The following KALRN variants were observed in gnomAD, a reference collection of about 807,000 sequenced individuals.
KALRN encodes kalirin RhoGEF kinase, also known as kalirin.
Under a neutral mutation model 353.7 loss-of-function variants are expected in KALRN, and 70 were observed. The ratio of observed to expected loss-of-function variants is 0.20; its 90% CI spans 0.16 to 0.24. The LOEUF (loss-of-function observed/expected upper bound fraction) is 0.24. KALRN is among the 10% of genes least tolerant of loss of function. KALRN has a pLI of 1.00. For missense variants in KALRN, 2,791 were observed against 3,756.7 expected, an observed-to-expected ratio of 0.74 and a Z score of 6.72; for synonymous variants, 1,391 against 1,434.8, an observed-to-expected ratio of 0.97 and a Z score of 0.69.
intron 34 of KALRN, among the ~76,000 whole-genome samples, chr3:124,600,398 G>C (rs2076681958): frequency 6.6e-6 from 1 of 152,224 alleles, no homozygotes; most frequent in Non-Finnish European, 1.5e-5. Context: ...TTCAACTCTT[G>C]TTTGGTTGCC....
chr3:124,517,717 G>A (rs2066776495), intron 33 of KALRN, among the ~76,000 whole-genome samples: 1 of 152,144 alleles, frequency 6.6e-6, no homozygotes, highest in South Asian at 2.1e-4. Context: ...AGCCAGCCTT[G>A]CAGTCTACCC....
chr3:124,154,341 T>C (rs1024261451), intron 1 of KALRN, among the ~76,000 whole-genome samples: 2 of 152,240 alleles, frequency 1.3e-5, no homozygotes, highest in Non-Finnish European at 2.9e-5. Flanking sequence ...GCAGATGACA[T>C]GATTGTATAT....
chr3:124,687,998 G>C (rs2061639280), intron 51 of KALRN, among the ~76,000 whole-genome samples: 1 of 152,090 alleles, frequency 6.6e-6, no homozygotes, highest in Non-Finnish European at 1.5e-5. Context: ...ATTACAGCTT[G>C]TCTTATGCTC....
In KALRN at chr3:124,628,163, T is replaced by TCCCTC. The variant is rs1561462695; in HGVS notation, c.5183-4255_5183-4254insCTCCC. 6.9e-4 allele frequency among the ~76,000 whole-genome samples: 30 copies of TCCCTC among 43,462 alleles called. 1 individual carries two copies. Among genetic ancestry groups the TCCCTC allele is most frequent in the African/African-American group, 3.9e-3 (25 of 6,440 alleles). The allele number at this position is 43,462 out of a possible 152,430, so 28.5% of individuals were successfully genotyped here. A position where few individuals can be genotyped will look rare whatever the true frequency, so the allele number is the denominator to read the frequency against. Reference sequence around the variant, plus strand: ...ATCCTCCCTCCCTCCCTCCCTCCCTTCCTTCCTTCCCTCCCTCCCTCCTTC... The same window carrying TCCCTC: ...ATCCTCCCTCCCTCCCTCCCTCCCTTCCCTCCCTTCCTTCCCTCCCTCCCTCCTTC... On this transcript the variant is annotated intron_variant, in intron 34 of 59. Transcript: ENST00000682506.
At chr3:124,547,253 G>C (rs916154031) in intron 33 of KALRN, among the ~76,000 whole-genome samples, 1 of 152,136 alleles carries the variant, frequency 6.6e-6, no homozygotes, top group Non-Finnish European at 1.5e-5. Context: ...TCCTGCCTGG[G>C]CTTCTCAAAG....
At chr3:124,329,507 G>A (rs57513297) in intron 7 of KALRN, among the ~76,000 whole-genome samples, 23,565 of 152,122 alleles carry the variant, frequency 0.15, 3,295 homozygotes, top group African/African-American at 0.37. Flanking sequence ...GTGAGTGTGC[G>A]TGGGGCAAGA....
At position 124,334,153 on chromosome 3, in the gene KALRN, C is replaced by T; in HGVS notation, c.1417-112C>T. 2 of 901,044 alleles carry T rather than the reference C, an allele frequency of 2.2e-6. No homozygotes were observed. Among genetic ancestry groups the T allele is most frequent in the Non-Finnish European group, 3.6e-6 (2 of 561,530 alleles). The allele number at this position is 901,044 out of a possible 1,614,324, so 55.8% of individuals were successfully genotyped here. ...GGCTAGGTGTCTGGGTATGGAATGC[C>T]TGAGATTCTCAGAAGGCCTAGTCAG... On this transcript the variant is annotated intron_variant, in intron 8 of 59. Coordinates refer to ENST00000682506, the MANE Select transcript of KALRN (RefSeq NM_001388419.1). The surrounding 1 kb of genome is among the most constrained non-coding windows in gnomAD (Gnocchi z 4.2).
chr3:124,285,503 T>A (rs2075747693), intron 5 of KALRN, among the ~76,000 whole-genome samples: 1 of 152,230 alleles, frequency 6.6e-6, no homozygotes, highest in Non-Finnish European at 1.5e-5. Flanking sequence ...TTTAAATTTA[T>A]ACAAATAAAA....
At chr3:124,316,001 G>A (rs1266534719) in intron 6 of KALRN, among the ~76,000 whole-genome samples, 1 of 152,172 alleles carries the variant, frequency 6.6e-6, no homozygotes, top group Non-Finnish European at 1.5e-5. Context: ...ACGTTTGCAA[G>A]TCAGGAAACT....
intron 6 of KALRN, 64 bp from the exon 7 acceptor site, chr3:124,325,916 C>G: frequency 7.2e-7 from 1 of 1,397,694 alleles, no homozygotes; most frequent in Middle Eastern, 1.8e-4. Context: ...ATATGTACCC[C>G]ACGAAAGTGC....
At chr3:124,364,143 T>C (rs2084371818) in intron 10 of KALRN, among the ~76,000 whole-genome samples, 1 of 152,222 alleles carries the variant, frequency 6.6e-6, no homozygotes, top group South Asian at 2.1e-4. Flanking sequence ...TATGTCACCA[T>C]CCACATTAAC....
intron 34 of KALRN, among the ~76,000 whole-genome samples, chr3:124,569,540 A>G (rs1039741960): frequency 1.3e-5 from 2 of 152,192 alleles, no homozygotes; most frequent in African/African-American, 4.8e-5. Flanking sequence ...AGATAAAGAC[A>G]CTGAGTCTTA....
intron 6 of KALRN, among the ~76,000 whole-genome samples, chr3:124,299,398 A>G (rs114150329): frequency 0.02 from 3,075 of 152,254 alleles, 73 homozygotes; most frequent in Non-Finnish European, 0.028. Context: ...AGAAAAGGGT[A>G]GAATTGCTTT....
intron 1 of KALRN, among the ~76,000 whole-genome samples, chr3:124,202,146 A>G (rs181584101): frequency 6.6e-6 from 1 of 152,266 alleles, no homozygotes; most frequent in Non-Finnish European, 1.5e-5. Context: ...TTTCATCTAC[A>G]TGGAAGTGAT....
rs545305722 is a variant in KALRN, at chr3:124,627,790, C to A, written c.5183-4630C>A. ...ATACCAAACACTTCAGAAACAATGT[C>A]AACACACCCAAGACCACAGCCAGCA... On this transcript the variant is annotated intron_variant, in intron 34 of 59. Transcript: ENST00000682506. Among the ~76,000 whole-genome samples the A allele has an allele frequency of 7.2e-5, 11 of 152,310 alleles. No individual in the cohort carries two copies. The East Asian group carries it at 2.1e-3, about 29-fold the overall frequency.
chr3:124,209,152 T>C (rs2076684944), intron 1 of KALRN, among the ~76,000 whole-genome samples: 1 of 151,962 alleles, frequency 6.6e-6, no homozygotes. Context: ...ATTTTACTTA[T>C]GAGTCCACAA....
At chr3:124,533,745 G>T (rs1186653976) in intron 33 of KALRN, among the ~76,000 whole-genome samples, 1 of 152,186 alleles carries the variant, frequency 6.6e-6, no homozygotes, top group African/African-American at 2.4e-5. Flanking sequence ...AAGGACACTG[G>T]CAAGAGCATT....
chr3:124,176,545 G>C (rs572839257), intron 1 of KALRN, among the ~76,000 whole-genome samples: 1 of 152,094 alleles, frequency 6.6e-6, no homozygotes, highest in Non-Finnish European at 1.5e-5. Flanking sequence ...CAAAAGTCAG[G>C]GTATGCACTG....
At chr3:124,441,732 G>A (rs2093671170) in intron 18 of KALRN, among the ~76,000 whole-genome samples, 1 of 151,996 alleles carries the variant, frequency 6.6e-6, no homozygotes, top group African/African-American at 2.4e-5. Flanking sequence ...AGGCTGAGAT[G>A]GAAGGACTGC....
Sources: gnomAD v4.1 joint callset for allele counts (sites outside exome capture counted in the v4.1 genomes callset) on GRCh38, gnomAD v4.1.1 for gene constraint, Gnocchi (gnomAD v3.1) non-coding constraint, MANE v1.5 for transcripts, NCBI Gene and HGNC (gene_info 2026-07-23, HGNC 2026-07-21) for gene names.